Variants in DOCK3 observed in about 807,000 individuals in gnomAD.
DOCK3 encodes dedicator of cytokinesis protein 3.
Under a neutral mutation model 265.6 loss-of-function variants are expected in DOCK3, and 60 were observed. The observed-to-expected ratio is 0.23, with a 90% confidence interval of 0.18 to 0.28. The LOEUF (loss-of-function observed/expected upper bound fraction) is 0.28. Among genes scored for constraint, DOCK3 ranks in the 10% least tolerant of loss-of-function variants. The pLI, the probability that DOCK3 is intolerant of heterozygous loss-of-function variation, is 1.00. For synonymous variants in DOCK3, 881 were observed against 938.0 expected (o/e 0.94, Z 1.11); for missense variants, 1,981 against 2,594.3 (o/e 0.76, Z 5.14).
At chr3:51,203,709 C>T (rs2088971683) in intron 12 of DOCK3, among the ~76,000 whole-genome samples, 1 of 152,208 alleles carries the variant, frequency 6.6e-6, no homozygotes, top group East Asian at 1.9e-4. Flanking sequence ...ATTGCCAAGT[C>T]AATCCTAAGC....
chr3:51,310,713 C>T (rs1434511310), intron 28 of DOCK3, among the ~76,000 whole-genome samples: 2 of 152,172 alleles, frequency 1.3e-5, no homozygotes, highest in Non-Finnish European at 2.9e-5. Context: ...GACCTGGCTG[C>T]AAGGCTCTGA....
Position 51,271,025 on chromosome 3 carries a change from G to C in DOCK3, c.2548+18G>C. On this transcript the variant is annotated intron_variant, in intron 24 of 52. Transcript: ENST00000266037. ...TTTCTCAGGTAAATCAAGTTGGGATGAGAGTCCTCCTTCCTTCCAGGGGTG... is the reference window on the plus strand; with the variant it reads ...TTTCTCAGGTAAATCAAGTTGGGATCAGAGTCCTCCTTCCTTCCAGGGGTG... 6.2e-7 allele frequency: 1 copy of C among 1,605,202 alleles called. No individual in the cohort carries two copies. Among genetic ancestry groups the C allele is most frequent in the South Asian group, 1.1e-5 (1 of 89,870 alleles).
rs530791787 is a variant in DOCK3, at chr3:51,304,137, G to T, written c.2923-6095G>T. Among the ~76,000 whole-genome samples the T allele has an allele frequency of 7.2e-5, 11 of 152,248 alleles. No individual in the cohort carries two copies. The East Asian group carries it at 1.7e-3, about 24-fold the overall frequency. On this transcript the variant is annotated intron_variant, in intron 27 of 52. Transcript: ENST00000266037. ...AAGTTGCTAAAATTCCTGCAGGGAGGCCCCACCCACTGAAGAAGAATGGGT... is the reference window on the plus strand; with the variant it reads ...AAGTTGCTAAAATTCCTGCAGGGAGTCCCCACCCACTGAAGAAGAATGGGT...
chr3:51,153,117 C>T (rs778386565), intron 10 of DOCK3, among the ~76,000 whole-genome samples: 4 of 152,224 alleles, frequency 2.6e-5, no homozygotes, highest in Admixed American at 6.5e-5. Flanking sequence ...GTGGGGTCTA[C>T]AGAGGCAGCA....
chr3:51,194,669 TC>T (rs924845002), intron 12 of DOCK3, among the ~76,000 whole-genome samples: 1 of 152,152 alleles, frequency 6.6e-6, no homozygotes, highest in Non-Finnish European at 1.5e-5. Flanking sequence ...CTTCTTTGTT[TC>T]TTTTTACTGT....
chr3:50,957,640 G>A (rs1320928919), intron 5 of DOCK3, among the ~76,000 whole-genome samples: 2 of 152,252 alleles, frequency 1.3e-5, no homozygotes, highest in Admixed American at 6.5e-5. Flanking sequence ...TTATTTAGGC[G>A]AATAAGATTT....
intron 12 of DOCK3, 120 bp downstream of exon 12, chr3:51,160,822 T>A (rs145506186): frequency 0.01 from 12,924 of 1,255,600 alleles, 132 homozygotes; most frequent in South Asian, 0.042. Context: ...CACGCCTGTA[T>A]TCCCAACACT....
intron 32 of DOCK3, among the ~76,000 whole-genome samples, chr3:51,327,929 G>A (rs1000402985): frequency 2.6e-5 from 4 of 151,982 alleles, no homozygotes; most frequent in Admixed American, 6.6e-5. Flanking sequence ...TGATCTGCCC[G>A]CCTCAGCCTT....
chr3:51,007,990 C>A (rs1288602122), intron 5 of DOCK3, among the ~76,000 whole-genome samples: 1 of 152,042 alleles, frequency 6.6e-6, no homozygotes, highest in Non-Finnish European at 1.5e-5. Context: ...TATCTCTTTT[C>A]TGGTACCAGT....
intron 2 of DOCK3, among the ~76,000 whole-genome samples, chr3:50,830,172 G>A (rs755005118): frequency 9.2e-5 from 14 of 152,140 alleles, no homozygotes; most frequent in Non-Finnish European, 2.1e-4. Context: ...ATAATTGGGT[G>A]AACTCCATAT....
At chr3:50,854,375 G>A (rs139517415) in intron 3 of DOCK3, among the ~76,000 whole-genome samples, 6 of 149,080 alleles carry the variant, frequency 4.0e-5, no homozygotes, top group East Asian at 3.9e-4. Context: ...ATAATTACTC[G>A]CCTAGGCTAG....
chr3:51,237,662 G>T (rs1190213337), intron 21 of DOCK3, 72 bp downstream of exon 21: 1 of 1,323,094 alleles, frequency 7.6e-7, no homozygotes, highest in South Asian at 1.3e-5. Context: ...AAGTTTAGCT[G>T]CAACCAGCAT....
At position 51,312,054 on chromosome 3, in the gene DOCK3, T is replaced by C; in HGVS notation, c.3068T>C (p.Phe1023Ser). The C allele has an allele frequency of 1.2e-6, 2 of 1,606,108 alleles. No individual in the cohort carries two copies. The highest frequency in any genetic ancestry group is 1.7e-6 in the Non-Finnish European group (2 of 1,175,992). The change falls in exon 29 of 53, where the codon TTC (phenylalanine) becomes TCC (serine). Residue 1023 changes from phenylalanine (F) to serine (S), a missense_variant. By Grantham distance (155) the Phe-to-Ser change is radical (BLOSUM62 -2). This residue lies in a region of DOCK3 where 1,357 missense variants were observed against 1,866.8 expected (regional missense o/e 0.73). Coordinates refer to ENST00000266037, the MANE Select transcript of DOCK3 (RefSeq NM_004947.5). ...QYLSSALHKN[F>S]TETDFDFKVW... ...CTGTCCTCTGCACTGCACAAGAATT[T>C]CACAGAGACTGACTTTGACTTTAAG...
intron 51 of DOCK3, among the ~76,000 whole-genome samples, chr3:51,377,943 T>TG (rs1359059776): frequency 6.6e-6 from 1 of 152,162 alleles, no homozygotes; most frequent in East Asian, 1.9e-4. Flanking sequence ...TGATATTTCT[T>TG]TGGTGGCTTT....
At chr3:50,968,371 G>A (rs950116635) in intron 5 of DOCK3, among the ~76,000 whole-genome samples, 5 of 152,020 alleles carry the variant, frequency 3.3e-5, no homozygotes, top group Admixed American at 1.3e-4. Flanking sequence ...TACAAGTGAA[G>A]TTGTTTTCCA....
intron 12 of DOCK3, among the ~76,000 whole-genome samples, chr3:51,181,261 A>G (rs960788662): frequency 4.1e-5 from 6 of 147,302 alleles, no homozygotes; most frequent in South Asian, 2.3e-4. Context: ...TATATTAGGT[A>G]TATCTCCTAA....
chr3:50,738,676 C>G (rs1051213348), intron 1 of DOCK3, among the ~76,000 whole-genome samples: 1 of 152,184 alleles, frequency 6.6e-6, no homozygotes, highest in Admixed American at 6.5e-5. Context: ...TAAGTTCACC[C>G]TTTAACACCC....
At chr3:51,246,481 G>C (rs1434147267) in intron 21 of DOCK3, among the ~76,000 whole-genome samples, 1 of 152,172 alleles carries the variant, frequency 6.6e-6, no homozygotes, top group African/African-American at 2.4e-5. Flanking sequence ...AAAAAGAAAT[G>C]TATGTCAGAG....
At chr3:50,678,894 C>T (rs1265211865) in intron 1 of DOCK3, among the ~76,000 whole-genome samples, 2 of 152,164 alleles carry the variant, frequency 1.3e-5, no homozygotes, top group Non-Finnish European at 1.5e-5. Flanking sequence ...ACTGCAAGCT[C>T]TGCCTCCCAG....
Sources: allele counts gnomAD v4.1 joint callset (sites outside exome capture counted in the v4.1 genomes callset), GRCh38; gene constraint gnomAD v4.1.1; regional missense constraint gnomAD v4.1.1; transcripts MANE v1.5; gene names NCBI Gene and HGNC (gene_info 2026-07-23, HGNC 2026-07-21).